The following ZNF329 variants were observed in gnomAD, a reference collection of about 807,000 sequenced individuals.
ZNF329 encodes zinc finger protein 329.
In ZNF329, 15 loss-of-function variants were observed where a neutral mutation model predicts 26.6. The ratio of observed to expected loss-of-function variants is 0.56; its 90% CI spans 0.38 to 0.87. The LOEUF (loss-of-function observed/expected upper bound fraction) is 0.87, where lower values mean the gene tolerates loss of function less well. Among genes scored for constraint, ZNF329 ranks in the 40% least tolerant of loss-of-function variants. ZNF329 has a pLI of 0.00. For synonymous variants in ZNF329, 239 were observed against 233.5 expected (o/e 1.02, Z -0.21); for missense variants, 651 against 651.9 (o/e 1.00, Z 0.02).
chr19:58,132,779 A>G (rs1466265631), intron 3 of ZNF329: 2 of 151,494 alleles, frequency 1.3e-5, no homozygotes, highest in Non-Finnish European at 2.9e-5. Context: ...ATAAACGAAC[A>G]TCAATCCATA....
chr19:58,154,006 A>AT (rs11351022), upstream of ZNF329, among the ~76,000 whole-genome samples: 3,884 of 144,992 alleles, frequency 0.027, 129 homozygotes, highest in African/African-American at 0.079. Context: ...AACATATGTG[A>AT]TTTTTTTTTT....
At chr19:58,138,912 G>A (rs926632353) in intron 3 of ZNF329, among the ~76,000 whole-genome samples, 3 of 151,614 alleles carry the variant, frequency 2.0e-5, no homozygotes, top group Non-Finnish European at 4.4e-5. Flanking sequence ...CACAAGAATC[G>A]CTTAAACCTA....
At chr19:58,150,882 T>C (rs1395065231), upstream of ZNF329, 4 of 152,564 alleles carry the variant, frequency 2.6e-5, no homozygotes, top group East Asian at 1.9e-4. Context: ...TACCGGGTTA[T>C]TCATTACCCT....
intron 3 of ZNF329, among the ~76,000 whole-genome samples, chr19:58,135,849 G>A (rs1342015770): frequency 1.3e-5 from 2 of 151,934 alleles, no homozygotes; most frequent in Admixed American, 1.3e-4. Flanking sequence ...AAAACAGCGA[G>A]TAAAGCAAAC....
intron 1 of ZNF329, among the ~76,000 whole-genome samples, chr19:58,147,723 T>C (rs1478499371): frequency 7.3e-6 from 1 of 136,862 alleles, no homozygotes; most frequent in African/African-American, 3.0e-5. Flanking sequence ...CACTGGGAAG[T>C]GAGGAGACCC....
chr19:58,142,780 A>G, intron 2 of ZNF329, 119 bp from the exon 3 acceptor site: 1 of 152,392 alleles, frequency 6.6e-6, no homozygotes, highest in South Asian at 2.1e-4. Flanking sequence ...CAAGTGTGAT[A>G]AAGAGTCTGA....
chr19:58,131,109 ATATGTG>A (rs2074930955), intron 3 of ZNF329, among the ~76,000 whole-genome samples: 1 of 147,362 alleles, frequency 6.8e-6, no homozygotes, highest in African/African-American at 2.5e-5. Context: ...ATATACATGT[ATATGTG>A]TATATGTGTG....
intron 3 of ZNF329, among the ~76,000 whole-genome samples, chr19:58,135,010 G>A (rs1364949322): frequency 1.3e-5 from 2 of 151,854 alleles, no homozygotes; most frequent in South Asian, 2.1e-4. Flanking sequence ...GAAGAAAACA[G>A]CAAATCTAAG....
intron 3 of ZNF329, among the ~76,000 whole-genome samples, chr19:58,137,392 A>G (rs1415369226): frequency 6.6e-6 from 1 of 151,984 alleles, no homozygotes; most frequent in Non-Finnish European, 1.5e-5. Flanking sequence ...CGTCTCTACT[A>G]AAAGTATAAA....
At chr19:58,131,142 C>T (rs2375237) in intron 3 of ZNF329, among the ~76,000 whole-genome samples, 2,584 of 140,446 alleles carry the variant, frequency 0.018, 73 homozygotes, top group African/African-American at 0.059. Flanking sequence ...TGTGTGTGTG[C>T]GCGTGTATTT....
At chr19:58,149,559 A>C (rs1385320514) in intron 1 of ZNF329, among the ~76,000 whole-genome samples, 2 of 152,158 alleles carry the variant, frequency 1.3e-5, no homozygotes, top group African/African-American at 4.8e-5. Flanking sequence ...CTTCTATGCA[A>C]ATGCGGAACT....
intron 1 of ZNF329, among the ~76,000 whole-genome samples, chr19:58,145,305 T>C (rs1167888062): frequency 6.9e-6 from 1 of 145,758 alleles, no homozygotes; most frequent in Non-Finnish European, 1.5e-5. Flanking sequence ...AAAAATTTCT[T>C]TTTTCTTCCT....
Position 58,127,973 on chromosome 19 carries a change from TG to T in ZNF329, c.1530del (p.Ser511AlafsTer53). 4 of 1,614,082 alleles carry T rather than the reference TG, an allele frequency of 2.5e-6. No individual in the cohort carries two copies. Among genetic ancestry groups the T allele is most frequent in the Non-Finnish European group, 3.4e-6 (4 of 1,180,006 alleles). On this transcript the variant is annotated frameshift_variant, in exon 4 of 4. Transcript: ENST00000598312. LOFTEE classifies it low-confidence loss of function (END_TRUNC). ...ATTTTTCCACACTGAGGACACCGGC[TG>T]GGACCCTCCCTGCTATGGAGTCTCT... ...VHQRLHSREG[P>X]SRCPQCGKMF...
At chr19:58,139,127 T>C (rs377577131) in intron 3 of ZNF329, among the ~76,000 whole-genome samples, 1 of 152,046 alleles carries the variant, frequency 6.6e-6, no homozygotes, top group East Asian at 1.9e-4. Flanking sequence ...TACGTCTCTC[T>C]TGGGGGTAGG....
Position 58,128,041 on chromosome 19 carries a change from C to A in ZNF329, c.1463G>T (p.Cys488Phe), listed in dbSNP as rs1283686598. 6.2e-7 allele frequency: 1 copy of A among 1,613,928 alleles called. No individual in the cohort carries two copies. The highest frequency in any genetic ancestry group is 8.5e-7 in the Non-Finnish European group (1 of 1,179,926). ...TKETPYQCPE[C>F]GKSFKQNSHL... ...AGAGTTCTGCTTGAAGGACTTCCCA[C>A]ATTCTGGACACTGATATGGGGTCTC... is the stretch of plus-strand genomic sequence containing the variant. The change falls in exon 4 of 4, where the codon TGT (cysteine) becomes TTT (phenylalanine). Residue 488 changes from cysteine (C) to phenylalanine (F), a missense_variant. Physicochemically the swap from Cys to Phe is radical, Grantham distance 205. Transcript: ENST00000598312.
rs564761124 is a variant in ZNF329, at chr19:58,147,388, C to T, written c.-208+3364G>A. On this transcript the variant is annotated intron_variant, in intron 1 of 3. Transcript: ENST00000598312. The stretch of plus-strand genomic sequence containing the variant: ...CCGTCTGGGAAGTGAGGAGCGTCTC[C>T]GCCTGGCAGCCACCCCGTCCAGGAG... Among the ~76,000 whole-genome samples the T allele has an allele frequency of 4.0e-3, 595 of 148,886 alleles. 20 individuals carry two copies. In the East Asian group the frequency reaches 0.056, roughly 14 times the overall value.
At chr19:58,144,397 T>TATA (rs1460725285) in intron 1 of ZNF329, among the ~76,000 whole-genome samples, 12 of 41,324 alleles carry the variant, frequency 2.9e-4, no homozygotes, top group South Asian at 2.1e-3. Context: ...TATATATATA[T>TATA]TTTTTTTTTG....
upstream of ZNF329, among the ~76,000 whole-genome samples, chr19:58,151,361 A>G (rs1386683517): frequency 6.6e-6 from 1 of 152,154 alleles, no homozygotes; most frequent in African/African-American, 2.4e-5. Context: ...GGGGGTGGTT[A>G]AAACAAACGG....
upstream of ZNF329, among the ~76,000 whole-genome samples, chr19:58,151,130 C>G (rs1320729784): frequency 6.6e-6 from 1 of 152,224 alleles, no homozygotes; most frequent in Admixed American, 6.5e-5. Flanking sequence ...GTGGCTCACG[C>G]CTGTAATCCC....
Sources: gnomAD v4.1 joint callset for allele counts (sites outside exome capture counted in the v4.1 genomes callset) on GRCh38, gnomAD v4.1.1 for gene constraint, MANE v1.5 for transcripts, NCBI Gene and HGNC (gene_info 2026-07-23, HGNC 2026-07-21) for gene names.